Variants in SPACA7 observed in about 807,000 individuals in gnomAD.
SPACA7 encodes the protein sperm acrosome-associated protein 7.
A neutral mutation model predicts 26.3 loss-of-function variants in SPACA7; 19 were observed. The observed-to-expected ratio is 0.72, with a 90% CI of 0.50 to 1.06. The LOEUF is 1.06. SPACA7 is among the 50% of genes least tolerant of loss of function. The pLI is 0.00. For missense variants in SPACA7, 211 were observed against 229.9 expected, an observed-to-expected ratio of 0.92 and a Z score of 0.53; for synonymous variants, 84 against 84.5, an observed-to-expected ratio of 0.99 and a Z score of 0.04.
chr13:112,396,548 G>A (rs867142850), intron 2 of SPACA7, among the ~76,000 whole-genome samples: 94 of 152,316 alleles, frequency 6.2e-4, no homozygotes, highest in African/African-American at 2.2e-3. Flanking sequence ...CCCAGTGCCT[G>A]TGCAGTGTCT....
At chr13:112,416,784 T>C (rs1886717548) in intron 5 of SPACA7, among the ~76,000 whole-genome samples, 1 of 151,142 alleles carries the variant, frequency 6.6e-6, no homozygotes, top group Non-Finnish European at 1.5e-5. Flanking sequence ...GTTTCAGTCA[T>C]TTACATATAT....
At chr13:112,401,015 A>C (rs528593740) in intron 4 of SPACA7, 54 bp from the exon 5 acceptor site, 1 of 1,289,884 alleles carries the variant, frequency 7.8e-7, no homozygotes, top group South Asian at 1.2e-5. Context: ...CAAAGTGCTT[A>C]TAAGTGTGTA....
chr13:112,377,814 G>T (rs1036689097), intron 1 of SPACA7, among the ~76,000 whole-genome samples: 2 of 152,198 alleles, frequency 1.3e-5, no homozygotes, highest in African/African-American at 4.8e-5. Flanking sequence ...TTCATCTGGT[G>T]GAGGATGTGT....
At chr13:112,397,406 G>A (rs747671422) in intron 2 of SPACA7, among the ~76,000 whole-genome samples, 2 of 152,192 alleles carry the variant, frequency 1.3e-5, no homozygotes, top group African/African-American at 4.8e-5. Context: ...CCCAGGCTCC[G>A]TGCTGAGCAC....
chr13:112,383,714 A>AC (rs1435574853), intron 1 of SPACA7, among the ~76,000 whole-genome samples: 1 of 152,030 alleles, frequency 6.6e-6, no homozygotes, highest in African/African-American at 2.4e-5. Context: ...TTGTACAGGG[A>AC]CTCTGTGTGG....
At chr13:112,430,174 C>CTCTGTGTG (rs1366577519) in intron 5 of SPACA7, among the ~76,000 whole-genome samples, 92 of 134,312 alleles carry the variant, frequency 6.8e-4, no homozygotes, top group South Asian at 3.0e-3. Context: ...ATCTCTCTCT[C>CTCTGTGTG]TGTGTGTGTG....
intron 3 of SPACA7, among the ~76,000 whole-genome samples, chr13:112,398,629 C>T (rs555998665): frequency 9.5e-4 from 145 of 152,262 alleles, no homozygotes; most frequent in Non-Finnish European, 1.7e-3. Flanking sequence ...AAAGAATGGC[C>T]TTCCCCAAGT....
In SPACA7 at chr13:112,393,087, C is replaced by A. The variant is rs1326738173; in HGVS notation, c.151+10C>A. On this transcript the variant is annotated intron_variant, in intron 2 of 6. Coordinates refer to ENST00000283550, the MANE Select transcript of SPACA7 (RefSeq NM_145248.5). ...ATGTCTGAATTATTAGGTAAGGAAGCCCCTCCTATCAACCTCTGGCCTGTA... is the reference window on the plus strand; with the variant it reads ...ATGTCTGAATTATTAGGTAAGGAAGACCCTCCTATCAACCTCTGGCCTGTA... 1.2e-6 allele frequency: 2 copies of A among 1,611,036 alleles called. No homozygotes were observed. The highest frequency in any genetic ancestry group is 2.2e-5 in the South Asian group (2 of 90,700).
rs530962827 is a variant in SPACA7, at chr13:112,400,918, C to T, written c.350-151C>T. 11 of 638,246 alleles carry T rather than the reference C, an allele frequency of 1.7e-5. No individual in the cohort carries two copies. The South Asian group carries it at 1.7e-4, about 10-fold the overall frequency. 39.5% of individuals were successfully genotyped at this position (638,246 alleles called of 1,614,324 possible). A position where few individuals can be genotyped will look rare whatever the true frequency, so the allele number is the denominator to read the frequency against. On this transcript the variant is annotated intron_variant, in intron 4 of 6. Transcript: ENST00000283550. ...CAGATGAGGCCTGGCTCTGTATTCACATATTGAGTTTCCAAAACATATTTT... is the reference window on the plus strand; with the variant it reads ...CAGATGAGGCCTGGCTCTGTATTCATATATTGAGTTTCCAAAACATATTTT...
intron 1 of SPACA7, among the ~76,000 whole-genome samples, chr13:112,382,807 G>T (rs988497904): frequency 6.6e-6 from 1 of 151,952 alleles, no homozygotes; most frequent in African/African-American, 2.4e-5. Flanking sequence ...GGCCAACATG[G>T]TGATACCCTG....
intron 5 of SPACA7, among the ~76,000 whole-genome samples, chr13:112,426,820 T>C (rs955929593): frequency 1.8e-4 from 28 of 152,224 alleles, no homozygotes; most frequent in African/African-American, 6.8e-4. Flanking sequence ...ACGTAGAGGA[T>C]CATATCACCT....
intron 1 of SPACA7, among the ~76,000 whole-genome samples, chr13:112,391,744 G>A (rs573352045): frequency 6.6e-6 from 1 of 152,158 alleles, no homozygotes; most frequent in South Asian, 2.1e-4. Context: ...TTATAATTAC[G>A]GGACAGACAC....
chr13:112,430,096 T>A (rs1876921920), intron 5 of SPACA7, among the ~76,000 whole-genome samples: 2 of 152,164 alleles, frequency 1.3e-5, no homozygotes, highest in Admixed American at 6.5e-5. Context: ...CCTTTTTCCA[T>A]CCTTGAGTAG....
At chr13:112,383,219 G>GAAGA (rs35275744) in intron 1 of SPACA7, among the ~76,000 whole-genome samples, 31,044 of 144,992 alleles carry the variant, frequency 0.21, 4,285 homozygotes, top group Non-Finnish European at 0.28. Context: ...AGGAAAGAAG[G>GAAGA]AAGAAAGAAA....
At chr13:112,406,213 CCAAATTGAAACTCTGTACCA>C (rs1885977895) in intron 5 of SPACA7, among the ~76,000 whole-genome samples, 1 of 152,134 alleles carries the variant, frequency 6.6e-6, no homozygotes, top group South Asian at 2.1e-4. Context: ...TTCTATCACC[CCAAATTGAAACTCTGTACCA>C]TTAAGGAATA....
At chr13:112,422,202 T>G (rs1163952644) in intron 5 of SPACA7, among the ~76,000 whole-genome samples, 2 of 152,126 alleles carry the variant, frequency 1.3e-5, no homozygotes, top group African/African-American at 4.8e-5. Flanking sequence ...AAAGGAAAAC[T>G]AGATCATTTT....
At position 112,433,825 on chromosome 13, in the gene SPACA7, G is replaced by A. The variant is rs375438396; in HGVS notation, c.524-660G>A. Among the ~76,000 whole-genome samples the A allele has an allele frequency of 4.0e-3, 616 of 152,250 alleles. 8 individuals carry two copies. Among genetic ancestry groups the A allele is most frequent in the African/African-American group, 0.014 (580 of 41,520 alleles). On this transcript the variant is annotated intron_variant, in intron 6 of 6. Coordinates refer to ENST00000283550, the MANE Select transcript of SPACA7 (RefSeq NM_145248.5). ...ACGCGGTGTAGAAAGGGCAGTGAGC[G>A]GTCGTTCAAGCTACGGCCAATATCC...
At chr13:112,394,632 C>T (rs1462778525) in intron 2 of SPACA7, among the ~76,000 whole-genome samples, 3 of 152,176 alleles carry the variant, frequency 2.0e-5, no homozygotes, top group Admixed American at 6.5e-5. Flanking sequence ...TCGCTCCTGC[C>T]GCCCCGTCCA....
At chr13:112,420,740 G>A (rs140316609) in intron 5 of SPACA7, among the ~76,000 whole-genome samples, 154 of 152,008 alleles carry the variant, frequency 1.0e-3, no homozygotes, top group East Asian at 5.8e-3. Flanking sequence ...AGCAGGATAC[G>A]TTTAAACACA....
Sources: allele counts gnomAD v4.1 joint callset (sites outside exome capture counted in the v4.1 genomes callset), GRCh38; gene constraint gnomAD v4.1.1; transcripts MANE v1.5; gene names NCBI Gene and HGNC (gene_info 2026-07-23, HGNC 2026-07-21).